STXBP5: variants seen among roughly 807,000 people sequenced by gnomAD.
The protein encoded by STXBP5 is syntaxin-binding protein 5.
STXBP5 carries 50 observed loss-of-function variants against 152.4 expected under a neutral mutation model. The observed-to-expected ratio is 0.33, with a 90% CI of 0.26 to 0.42. The LOEUF is 0.42. Ranked by LOEUF, STXBP5 falls within the 10% of genes least tolerant of loss-of-function variation. The probability of loss-of-function intolerance (pLI) is 1.00; values close to 1 mark genes in which losing one functional copy is unlikely to be tolerated. For missense variants in STXBP5, 1,167 were observed against 1,388.6 expected, an observed-to-expected ratio of 0.84 and a Z score of 2.54; for synonymous variants, 492 against 494.7, an observed-to-expected ratio of 0.99 and a Z score of 0.07.
At chr6:147,365,139 T>C in intron 25 of STXBP5, among the ~76,000 whole-genome samples, 1 of 152,180 alleles carries the variant, frequency 6.6e-6, no homozygotes. Context: ...GTTGTCCTCG[T>C]TGTGTTATTA....
At position 147,334,137 on chromosome 6, in the gene STXBP5, T is replaced by G; in HGVS notation, c.2081-20T>G. ...TACATAAATGTATGGGTTGATTTGT[T>G]TTTTGTTTTTGTTTTGTAGCCGGTC... On this transcript the variant is annotated intron_variant, in intron 18 of 27. Coordinates refer to ENST00000321680, the MANE Select transcript of STXBP5 (RefSeq NM_001127715.4). 1 of 1,609,822 alleles carries G rather than the reference T, an allele frequency of 6.2e-7. No homozygotes were observed. Among genetic ancestry groups the G allele is most frequent in the South Asian group, 1.1e-5 (1 of 90,082 alleles).
chr6:147,288,962 G>A (rs147719443), intron 8 of STXBP5, among the ~76,000 whole-genome samples: 1 of 152,268 alleles, frequency 6.6e-6, no homozygotes, highest in East Asian at 1.9e-4. Context: ...CGTGCAGTGT[G>A]TTTAGGAATT....
intron 25 of STXBP5, among the ~76,000 whole-genome samples, chr6:147,369,293 C>T (rs143932870): frequency 5.7e-4 from 86 of 152,036 alleles, no homozygotes; most frequent in African/African-American, 1.9e-3. Context: ...CTTTGATCCA[C>T]GCTTCACACC....
chr6:147,206,015 T>G lies in STXBP5; in HGVS notation c.195T>G (p.Phe65Leu). 1 of 1,614,204 alleles carries G rather than the reference T, an allele frequency of 6.2e-7. No individual in the cohort carries two copies. Among genetic ancestry groups the G allele is most frequent in the South Asian group, 1.1e-5 (1 of 91,086 alleles). The change falls in exon 2 of 28, where the codon TTT (phenylalanine) becomes TTG (leucine). Residue 65 changes from phenylalanine to leucine, a missense_variant. Physicochemically the swap from Phe to Leu is conservative, Grantham distance 22 (BLOSUM62 0). Coordinates refer to ENST00000321680, the MANE Select transcript of STXBP5 (RefSeq NM_001127715.4). ...GFPYQPSALA[F>L]DPVQKILAVG... Reference sequence around the variant, plus strand: ...CCTATCAACCCTCAGCCCTGGCCTTTGATCCTGTACAGAAGATCCTGGCAG... The same window carrying G: ...CCTATCAACCCTCAGCCCTGGCCTTGGATCCTGTACAGAAGATCCTGGCAG...
chr6:147,337,066 G>C (rs949422337), intron 19 of STXBP5, among the ~76,000 whole-genome samples: 5 of 151,816 alleles, frequency 3.3e-5, no homozygotes, highest in South Asian at 4.2e-4. Flanking sequence ...CATCCTGAAC[G>C]AATGAAGGGA....
chr6:147,321,396 G>C (rs889351364), intron 16 of STXBP5, among the ~76,000 whole-genome samples: 1 of 152,070 alleles, frequency 6.6e-6, no homozygotes, highest in African/African-American at 2.4e-5. Flanking sequence ...AGACCAGTCT[G>C]GATAACATAG....
intron 2 of STXBP5, among the ~76,000 whole-genome samples, chr6:147,219,346 C>T (rs1339924506): frequency 6.6e-6 from 1 of 152,148 alleles, no homozygotes; most frequent in Non-Finnish European, 1.5e-5. Flanking sequence ...AGAATTTTTG[C>T]ATCCATCTTC....
intron 19 of STXBP5, among the ~76,000 whole-genome samples, chr6:147,335,540 C>G (rs2128394413): frequency 6.6e-6 from 1 of 152,224 alleles, no homozygotes; most frequent in South Asian, 2.1e-4. Context: ...AATTAGTATT[C>G]CTTTTTATCC....
rs528177731 is a variant in STXBP5, at chr6:147,321,134, C to T, written c.1803-3825C>T. Among the ~76,000 whole-genome samples the T allele has an allele frequency of 7.2e-3, 1,097 of 152,142 alleles. 14 individuals carry two copies. Among genetic ancestry groups the T allele is most frequent in the African/African-American group, 0.025 (1,052 of 41,484 alleles). ...TGATTTTTTTAAAAATCACAAACAACTTATACCTCATTTTTTTCTTTTAAT... is the reference window on the plus strand; with the variant it reads ...TGATTTTTTTAAAAATCACAAACAATTTATACCTCATTTTTTTCTTTTAAT... On this transcript the variant is annotated intron_variant, in intron 16 of 27. Transcript: ENST00000321680.
At chr6:147,248,718 T>A (rs1422347028) in intron 4 of STXBP5, among the ~76,000 whole-genome samples, 15 of 152,222 alleles carry the variant, frequency 9.9e-5, no homozygotes, top group African/African-American at 2.7e-4. Context: ...CCCTTTGATG[T>A]ACACATAGCT....
intron 8 of STXBP5, among the ~76,000 whole-genome samples, chr6:147,285,955 C>T (rs754638142): frequency 2.0e-5 from 3 of 152,104 alleles, no homozygotes; most frequent in Non-Finnish European, 4.4e-5. Context: ...CTGACTCTCC[C>T]ACTAGAACTC....
At chr6:147,339,464 T>C in intron 21 of STXBP5, 80 bp downstream of exon 21, 1 of 1,075,830 alleles carries the variant, frequency 9.3e-7, no homozygotes, top group Non-Finnish European at 1.3e-6. Context: ...ATCCAGTGCA[T>C]TGCATTTTTG....
In STXBP5 at chr6:147,363,944, T is replaced by G. The variant is rs550217663; in HGVS notation, c.2916-57T>G. On this transcript the variant is annotated intron_variant, in intron 24 of 27. Transcript: ENST00000321680. ...TCTCTGCCATTTTTAACAATGATAG[T>G]GTGTTCAAGACTAAAACCTACCTTA... 6 of 1,539,044 alleles carry G rather than the reference T, an allele frequency of 3.9e-6. No homozygotes were observed. The African/African-American group carries it at 6.9e-5, about 18-fold the overall frequency.
At chr6:147,362,692 A>G (rs1186381301) in intron 23 of STXBP5, among the ~76,000 whole-genome samples, 2 of 152,232 alleles carry the variant, frequency 1.3e-5, no homozygotes, top group Non-Finnish European at 2.9e-5. Flanking sequence ...ATAATTTTAA[A>G]TGTTCTAGCA....
chr6:147,373,377 A>C (rs1272853260), intron 25 of STXBP5, among the ~76,000 whole-genome samples: 3 of 151,880 alleles, frequency 2.0e-5, no homozygotes, highest in South Asian at 2.1e-4. Context: ...AAAAAAAAAA[A>C]AAAAAAAAAA....
rs543888569 is a variant in STXBP5, at chr6:147,316,396, A to G, written c.1791A>G (p.Val597=). The change falls in exon 16 of 28, where the codon GTA becomes GTG. Residue 597 remains valine, a synonymous_variant. Coordinates refer to ENST00000321680, the MANE Select transcript of STXBP5 (RefSeq NM_001127715.4). ...CATCTGATGGGCTTCGTGATAATGTACCTTGTTTAAAGTAAGTTATAAAAA... is the reference window on the plus strand; with the variant it reads ...CATCTGATGGGCTTCGTGATAATGTGCCTTGTTTAAAGTAAGTTATAAAAA... ...SSSSDGLRDN[V]PCLKVKNSPL... 92 of 1,531,848 alleles carry G rather than the reference A, an allele frequency of 6.0e-5. No homozygotes were observed. Among genetic ancestry groups the G allele is most frequent in the Admixed American group, 5.3e-4 (23 of 43,230 alleles). The allele number at this position is 1,531,848 out of a possible 1,614,324, so 94.9% of individuals were successfully genotyped here.
intron 9 of STXBP5, among the ~76,000 whole-genome samples, chr6:147,295,940 G>T (rs1186484694): frequency 6.6e-6 from 1 of 152,088 alleles, no homozygotes; most frequent in East Asian, 1.9e-4. Context: ...CACTCTTGAG[G>T]CTCCACTGTC....
chr6:147,383,771 C>T (rs541911232), intron 27 of STXBP5, among the ~76,000 whole-genome samples: 1 of 151,886 alleles, frequency 6.6e-6, no homozygotes, highest in South Asian at 2.1e-4. Context: ...AGTGGTAGCT[C>T]TTTTTTAAAT....
chr6:147,314,759 C>A (rs1782558764), intron 14 of STXBP5, 123 bp downstream of exon 14: 3 of 648,566 alleles, frequency 4.6e-6, no homozygotes, highest in Admixed American at 7.3e-5. Flanking sequence ...AAATTTAATG[C>A]TTGATTTATT....
Sources: gnomAD v4.1 joint callset for allele counts (sites outside exome capture counted in the v4.1 genomes callset) on GRCh38, gnomAD v4.1.1 for gene constraint, MANE v1.5 for transcripts, NCBI Gene and HGNC (gene_info 2026-07-23, HGNC 2026-07-21) for gene names.